Variants in PCBP3 observed in about 807,000 individuals in gnomAD.
The protein encoded by PCBP3 is poly(rC) binding protein 3, also known as poly(rC)-binding protein 3.
Under a neutral mutation model 52.7 loss-of-function variants are expected in PCBP3, and 25 were observed. That is an observed-to-expected ratio of 0.47 (90% CI 0.35 to 0.66). The LOEUF is 0.66. Ranked by LOEUF, PCBP3 falls within the 30% of genes least tolerant of loss-of-function variation. The probability of loss-of-function intolerance (pLI) is 0.01; values close to 1 mark genes in which losing one functional copy is unlikely to be tolerated. For synonymous variants in PCBP3, 162 were observed against 183.0 expected, an observed-to-expected ratio of 0.89 and a Z score of 0.93; for missense variants, 391 against 490.3, an observed-to-expected ratio of 0.80 and a Z score of 1.91.
chr21:45,881,676 C>T (rs1206739338), intron 5 of PCBP3, among the ~76,000 whole-genome samples: 2 of 152,180 alleles, frequency 1.3e-5, no homozygotes, highest in Non-Finnish European at 2.9e-5. Flanking sequence ...GTTTGACTCC[C>T]GTCTAACTGA....
chr21:45,851,699 A>G (rs1250339965), intron 5 of PCBP3, among the ~76,000 whole-genome samples: 1 of 152,256 alleles, frequency 6.6e-6, no homozygotes, highest in East Asian at 1.9e-4. Flanking sequence ...GTGGGAAACC[A>G]TATGCTAACA....
chr21:45,843,184 T>C (rs1603449253), intron 4 of PCBP3, among the ~76,000 whole-genome samples: 2 of 145,860 alleles, frequency 1.4e-5, no homozygotes, highest in South Asian at 2.1e-4. Flanking sequence ...CCACATGTAA[T>C]GTCCAGAGTT....
chr21:45,779,737 G>GTTGTTAAGATGACCCAATA (rs1275881949), intron 4 of PCBP3, among the ~76,000 whole-genome samples: 7 of 152,166 alleles, frequency 4.6e-5, no homozygotes, highest in Non-Finnish European at 8.8e-5. Context: ...TACCATGTTC[G>GTTGTTAAGATGACCCAATA]TTGTTAAGAT....
At chr21:45,663,830 T>C (rs1195016355) in intron 1 of PCBP3, among the ~76,000 whole-genome samples, 3 of 152,112 alleles carry the variant, frequency 2.0e-5, no homozygotes, top group Admixed American at 2.0e-4. Context: ...CCTTGTTCTT[T>C]TTGATTTGGT....
Position 45,917,567 on chromosome 21 carries a change from G to C in PCBP3, c.676-21G>C, listed in dbSNP as rs754241647. 4 of 1,604,850 alleles carry C rather than the reference G, an allele frequency of 2.5e-6. No homozygotes were observed. The highest frequency in any genetic ancestry group is 1.1e-5 in the South Asian group (1 of 90,878). On this transcript the variant is annotated intron_variant, in intron 12 of 17. Transcript: ENST00000681687. The surrounding 1 kb of genome is among the most constrained non-coding windows in gnomAD (Gnocchi z 5.3). ...TGGTGCAGCCAGGTTGCAGTCTGAC[G>C]GGGTCTCTCTCTCTCTCTAGGCCTA...
rs372267758 is a variant in PCBP3, at chr21:45,904,738, C to T, written c.339+3625C>T. 6.6e-6 allele frequency among the ~76,000 whole-genome samples: 1 copy of T among 152,284 alleles called. No homozygotes were observed. Among genetic ancestry groups the T allele is most frequent in the East Asian group, 1.9e-4 (1 of 5,174 alleles). On this transcript the variant is annotated intron_variant, in intron 9 of 17. Coordinates refer to ENST00000681687, the MANE Select transcript of PCBP3 (RefSeq NM_001384156.1). The surrounding 1 kb of genome is among the most constrained non-coding windows in gnomAD (Gnocchi z 4.8). ...GAAAGTATTTCCAGTCCCAAGTGAA[C>T]ACTGGTTAAAATCTACCTGAAGGTG...
At chr21:45,885,657 CTT>C (rs1164262594) in intron 5 of PCBP3, among the ~76,000 whole-genome samples, 4 of 152,162 alleles carry the variant, frequency 2.6e-5, no homozygotes, top group Non-Finnish European at 2.9e-5. Flanking sequence ...TCCCCTGACT[CTT>C]TCACTCTGTT....
At chr21:45,806,798 T>C (rs1349521233) in intron 4 of PCBP3, among the ~76,000 whole-genome samples, 4 of 151,964 alleles carry the variant, frequency 2.6e-5, no homozygotes, top group African/African-American at 7.3e-5. Context: ...CCACTTCTGG[T>C]CCCCTCACCC....
At chr21:45,734,345 T>C (rs772997169) in intron 2 of PCBP3, among the ~76,000 whole-genome samples, 15 of 152,310 alleles carry the variant, frequency 9.8e-5, no homozygotes, top group Non-Finnish European at 1.9e-4. Flanking sequence ...CACTCACATG[T>C]GCCCATCCAT....
intron 3 of PCBP3, among the ~76,000 whole-genome samples, chr21:45,745,413 T>C (rs745454547): frequency 2.6e-5 from 4 of 152,174 alleles, no homozygotes; most frequent in Non-Finnish European, 4.4e-5. Flanking sequence ...CTGGGCTCTG[T>C]GAGGCCCTCC....
At chr21:45,644,001 G>A (rs909789182) in intron 1 of PCBP3, 133 bp downstream of exon 1, 2 of 149,362 alleles carry the variant, frequency 1.3e-5, no homozygotes, top group Non-Finnish European at 3.0e-5. Context: ...GGCGGGCGGG[G>A]GTCCCGGGCT....
intron 5 of PCBP3, chr21:45,859,848 G>A (rs1000862490): frequency 2.0e-5 from 3 of 152,322 alleles, no homozygotes; most frequent in Admixed American, 6.5e-5. Context: ...CAGGGCAGGC[G>A]GCCTCTTCCT....
intron 4 of PCBP3, among the ~76,000 whole-genome samples, chr21:45,795,525 G>A (rs542369669): frequency 4.9e-4 from 75 of 152,258 alleles, no homozygotes; most frequent in African/African-American, 1.8e-3. Flanking sequence ...ATTTTGGAAT[G>A]CCTTTAAATA....
At chr21:45,872,265 G>A (rs2095058843) in intron 5 of PCBP3, 1 of 152,176 alleles carries the variant, frequency 6.6e-6, no homozygotes, top group African/African-American at 2.4e-5. Context: ...TCAAGTAATC[G>A]GAGGCTCGTC....
intron 2 of PCBP3, among the ~76,000 whole-genome samples, chr21:45,687,576 CA>C (rs750671242): frequency 6.6e-6 from 1 of 151,782 alleles, no homozygotes; most frequent in African/African-American, 2.4e-5. Flanking sequence ...AGTAAATGGT[CA>C]AAACATTCCA....
chr21:45,770,337 T>C (rs1425225308), intron 4 of PCBP3, among the ~76,000 whole-genome samples: 1 of 152,248 alleles, frequency 6.6e-6, no homozygotes, highest in Non-Finnish European at 1.5e-5. Flanking sequence ...TTTTAGACTA[T>C]CGTTTTACAA....
chr21:45,810,430 T>A (rs1004904053), intron 4 of PCBP3, among the ~76,000 whole-genome samples: 4 of 98,756 alleles, frequency 4.1e-5, no homozygotes, highest in African/African-American at 7.1e-5. Flanking sequence ...GCCTGGCTAA[T>A]TTTTTTTTTT....
intron 4 of PCBP3, among the ~76,000 whole-genome samples, chr21:45,765,698 G>A (rs1184471311): frequency 6.6e-6 from 1 of 152,200 alleles, no homozygotes; most frequent in African/African-American, 2.4e-5. Context: ...GTCCCTAGGA[G>A]GCCCCTCATG....
At chr21:45,785,077 C>T (rs974552373) in intron 4 of PCBP3, among the ~76,000 whole-genome samples, 1 of 151,834 alleles carries the variant, frequency 6.6e-6, no homozygotes, top group African/African-American at 2.4e-5. Context: ...CCTGTCGCCC[C>T]GTCCGGGATG....
Sources: gnomAD v4.1 joint callset for allele counts (sites outside exome capture counted in the v4.1 genomes callset) on GRCh38, gnomAD v4.1.1 for gene constraint, Gnocchi (gnomAD v3.1) non-coding constraint, MANE v1.5 for transcripts, NCBI Gene and HGNC (gene_info 2026-07-23, HGNC 2026-07-21) for gene names.